THSD4: variants seen among roughly 807,000 people sequenced by gnomAD.
THSD4 encodes thrombospondin type-1 domain-containing protein 4.
A neutral mutation model predicts 119.0 loss-of-function variants in THSD4; 69 were observed. The observed-to-expected ratio is 0.58, with a 90% CI of 0.48 to 0.71. The LOEUF (loss-of-function observed/expected upper bound fraction) is 0.71. Among genes scored for constraint, THSD4 ranks in the 30% least tolerant of loss-of-function variants. The pLI is 0.00. For missense variants in THSD4, 1,393 were observed against 1,391.1 expected (o/e 1.00, Z -0.02); for synonymous variants, 524 against 540.4 (o/e 0.97, Z 0.42).
intron 13 of THSD4, 131 bp downstream of exon 13, chr15:71,747,173 G>A (rs2053356908): frequency 9.1e-7 from 1 of 1,096,018 alleles, no homozygotes; most frequent in Non-Finnish European, 1.3e-6. Flanking sequence ...TGGGGGTCTG[G>A]ACGGCTGTTT....
Position 71,727,531 on chromosome 15 carries a change from TAAAAAAAAAAAAA to T in THSD4, c.1358-1007_1358-995del, listed in dbSNP as rs368424121. Among the ~76,000 whole-genome samples, 3 of 15,684 alleles carry T rather than the reference TAAAAAAAAAAAAA, an allele frequency of 1.9e-4. No homozygotes were observed. In the Admixed American group the frequency reaches 2.1e-3, roughly 11 times the overall value. 10.3% of individuals were successfully genotyped at this position (15,684 alleles called of 152,430 possible). ...GGCAACATGGCAAAACCCCATCTCT[TAAAAAAAAAAAAA>T]AAAAAAAAAATATATATATATATAT... On this transcript the variant is annotated intron_variant, in intron 8 of 17. Coordinates refer to ENST00000261862, the MANE Select transcript of THSD4 (RefSeq NM_024817.3).
rs534195122 is a variant in THSD4, at chr15:71,181,085, G to A, written c.99+26153G>A. On this transcript the variant is annotated intron_variant, in intron 3 of 17. Transcript: ENST00000261862. ...GATGCTCTTTAAAGAATAGCACAGGGCGTGCACTCATTTGAGGGTGTCCAG... is the reference window on the plus strand; with the variant it reads ...GATGCTCTTTAAAGAATAGCACAGGACGTGCACTCATTTGAGGGTGTCCAG... 1.3e-3 allele frequency among the ~76,000 whole-genome samples: 195 copies of A among 152,260 alleles called. 1 individual carries two copies. The highest frequency in any genetic ancestry group is 4.4e-3 in the African/African-American group (184 of 41,548).
chr15:71,288,148 T>C (rs2044743146), intron 6 of THSD4, among the ~76,000 whole-genome samples: 1 of 152,198 alleles, frequency 6.6e-6, no homozygotes. Flanking sequence ...GTTTGCTTGG[T>C]ATTTGCTAAA....
intron 7 of THSD4, among the ~76,000 whole-genome samples, chr15:71,551,249 A>G (rs533411403): frequency 2.6e-4 from 40 of 152,340 alleles, no homozygotes; most frequent in African/African-American, 9.4e-4. Flanking sequence ...ACCATTGCAA[A>G]TGCTACCAAG....
At chr15:71,699,769 G>A (rs542686066) in intron 8 of THSD4, among the ~76,000 whole-genome samples, 2 of 152,204 alleles carry the variant, frequency 1.3e-5, no homozygotes, top group East Asian at 3.9e-4. Flanking sequence ...AGGGCTTTGT[G>A]GGGGGCAAAT....
intron 13 of THSD4, 87 bp downstream of exon 13, chr15:71,747,129 T>A (rs1272846847): frequency 1.4e-6 from 2 of 1,439,364 alleles, no homozygotes; most frequent in East Asian, 5.0e-5. Flanking sequence ...CTGAGATGGG[T>A]AACCCTGAGT....
intron 7 of THSD4, among the ~76,000 whole-genome samples, chr15:71,474,571 A>G (rs1212670666): frequency 6.6e-6 from 1 of 152,044 alleles, no homozygotes; most frequent in Non-Finnish European, 1.5e-5. Context: ...GTTTCATGCA[A>G]CCAGTCCACC....
chr15:71,520,531 C>T (rs555383848), intron 7 of THSD4, among the ~76,000 whole-genome samples: 116 of 152,282 alleles, frequency 7.6e-4, no homozygotes, highest in African/African-American at 2.7e-3. Flanking sequence ...CCTTTTATCC[C>T]ACTGCCTTTG....
intron 14 of THSD4, among the ~76,000 whole-genome samples, chr15:71,753,311 T>A (rs777296541): frequency 1.3e-5 from 2 of 152,218 alleles, no homozygotes; most frequent in Non-Finnish European, 2.9e-5. Flanking sequence ...CCATGTGCAA[T>A]TTTTAATCAC....
At chr15:71,549,875 GGGA>G in intron 7 of THSD4, 1 of 152,636 alleles carries the variant, frequency 6.6e-6, no homozygotes, top group Admixed American at 6.5e-5. Flanking sequence ...CTGGCAGGTG[GGGA>G]GAGGAGGGCT....
Position 71,371,641 on chromosome 15 carries a change from G to A in THSD4, c.1016-40046G>A, listed in dbSNP as rs182455562. Among the ~76,000 whole-genome samples, 1,142 of 152,326 alleles carry A rather than the reference G, an allele frequency of 7.5e-3. 7 individuals are homozygous for A. Among genetic ancestry groups the A allele is most frequent in the Non-Finnish European group, 0.012 (827 of 68,028 alleles). On this transcript the variant is annotated intron_variant, in intron 6 of 17. Transcript: ENST00000261862. ...TTCTGGCTTGTAGAGTTTCTGCCAA[G>A]AGATCCACTGTTAGTCTGATGGGCT...
At chr15:71,177,986 A>T (rs2043464853) in intron 3 of THSD4, among the ~76,000 whole-genome samples, 1 of 63,510 alleles carries the variant, frequency 1.6e-5, no homozygotes, top group African/African-American at 4.7e-5. Flanking sequence ...GATGGGACGT[A>T]TTTCAAAATA....
At chr15:71,641,444 A>G (rs1417803806) in intron 7 of THSD4, among the ~76,000 whole-genome samples, 1 of 151,996 alleles carries the variant, frequency 6.6e-6, no homozygotes, top group East Asian at 1.9e-4. Flanking sequence ...ACTGAGTCTC[A>G]TTGAACACTC....
chr15:71,442,460 T>G (rs1595771519), intron 7 of THSD4, among the ~76,000 whole-genome samples: 2 of 148,378 alleles, frequency 1.3e-5, no homozygotes, highest in African/African-American at 5.0e-5. Flanking sequence ...TCCCAGCTAC[T>G]TGGGAGGCTG....
chr15:71,123,029 C>T (rs879437298), intron 1 of THSD4, among the ~76,000 whole-genome samples: 11 of 152,190 alleles, frequency 7.2e-5, no homozygotes, highest in Non-Finnish European at 1.3e-4. Flanking sequence ...CCCTTCCTTT[C>T]CTCACTAGTT....
chr15:71,340,450 T>C (rs950637151), intron 6 of THSD4, among the ~76,000 whole-genome samples: 3 of 152,114 alleles, frequency 2.0e-5, no homozygotes, highest in Non-Finnish European at 4.4e-5. Context: ...ACCAAATCCA[T>C]GAGGGATGAG....
At chr15:71,443,273 C>T (rs913281863) in intron 7 of THSD4, among the ~76,000 whole-genome samples, 8 of 152,018 alleles carry the variant, frequency 5.3e-5, no homozygotes, top group Non-Finnish European at 5.9e-5. Flanking sequence ...GGAGATTGGC[C>T]TAGGCTCTCC....
At chr15:71,394,131 G>C (rs75304162) in intron 6 of THSD4, among the ~76,000 whole-genome samples, 417 of 150,672 alleles carry the variant, frequency 2.8e-3, no homozygotes, top group African/African-American at 9.9e-3. Flanking sequence ...AATGTGTGCT[G>C]CATATCTGAG....
intron 7 of THSD4, among the ~76,000 whole-genome samples, chr15:71,469,430 G>C (rs1043650889): frequency 1.3e-5 from 2 of 152,152 alleles, no homozygotes; most frequent in African/African-American, 4.8e-5. Context: ...AACCCATGGA[G>C]AACAGTGAGA....
Sources: allele counts gnomAD v4.1 joint callset (sites outside exome capture counted in the v4.1 genomes callset), GRCh38; gene constraint gnomAD v4.1.1; transcripts MANE v1.5; gene names NCBI Gene and HGNC (gene_info 2026-07-23, HGNC 2026-07-21).